Variants in SLC24A2 observed in about 807,000 individuals in gnomAD.
SLC24A2 encodes sodium/potassium/calcium exchanger 2.
Under a neutral mutation model 62.0 loss-of-function variants are expected in SLC24A2, and 36 were observed. The observed-to-expected ratio is 0.58, with a 90% CI of 0.44 to 0.77. SLC24A2 has a LOEUF of 0.77. Ranked by LOEUF, SLC24A2 falls within the 30% of genes least tolerant of loss-of-function variation. SLC24A2 has a pLI of 0.00. For missense variants in SLC24A2, 846 were observed against 817.9 expected (o/e 1.03, Z -0.42); for synonymous variants, 358 against 294.0 (o/e 1.22, Z -2.23).
the SLC24A2 span, among the ~76,000 whole-genome samples, chr9:20,060,590 C>A: frequency 1.3e-5 from 2 of 151,984 alleles, no homozygotes; most frequent in South Asian, 4.2e-4. Context: ...TCAACAAAAC[C>A]CAACACTGAT....
chr9:19,617,506 A>G (rs573315620), intron 4 of SLC24A2, among the ~76,000 whole-genome samples: 1 of 152,362 alleles, frequency 6.6e-6, no homozygotes, highest in South Asian at 2.1e-4. Flanking sequence ...TAAAACATGA[A>G]CAGAAACATT....
intron 2 of SLC24A2, among the ~76,000 whole-genome samples, chr9:19,711,029 A>C (rs539492884): frequency 2.0e-5 from 3 of 152,332 alleles, no homozygotes; most frequent in South Asian, 4.1e-4. Context: ...GGAAAGATTA[A>C]CCCAGTAGTA....
At chr9:19,555,751 C>G (rs1835058291) in intron 7 of SLC24A2, among the ~76,000 whole-genome samples, 1 of 152,126 alleles carries the variant, frequency 6.6e-6, no homozygotes, top group Non-Finnish European at 1.5e-5. Context: ...TTGAGACCAG[C>G]TTGGCCAACA....
chr9:19,723,063 T>C (rs904127638), intron 2 of SLC24A2, among the ~76,000 whole-genome samples: 14 of 152,112 alleles, frequency 9.2e-5, no homozygotes, highest in African/African-American at 3.4e-4. Context: ...ATATTGGGGC[T>C]TGGGGGTGGT....
chr9:20,011,004 T>A, the SLC24A2 span, among the ~76,000 whole-genome samples: 1 of 152,152 alleles, frequency 6.6e-6, no homozygotes, highest in African/African-American at 2.4e-5. Flanking sequence ...TAATCCAGTC[T>A]ATCATTGTTG....
At chr9:19,714,758 C>T (rs1820811364) in intron 2 of SLC24A2, among the ~76,000 whole-genome samples, 1 of 152,112 alleles carries the variant, frequency 6.6e-6, no homozygotes, top group Non-Finnish European at 1.5e-5. Flanking sequence ...CATTTTTCCC[C>T]TCTGTGGCAA....
the SLC24A2 span, among the ~76,000 whole-genome samples, chr9:19,930,909 A>T: frequency 7.9e-5 from 12 of 152,290 alleles, no homozygotes; most frequent in Non-Finnish European, 1.3e-4. Flanking sequence ...AATGGGGGAA[A>T]CTATTAATTT....
the SLC24A2 span, among the ~76,000 whole-genome samples, chr9:19,992,760 G>C: frequency 8.1e-4 from 124 of 152,270 alleles, 3 homozygotes; most frequent in East Asian, 0.021. Context: ...TATGCTCCCA[G>C]CTGCACAAGT....
At chr9:20,249,645 C>T in the SLC24A2 span, among the ~76,000 whole-genome samples, 3 of 136,284 alleles carry the variant, frequency 2.2e-5, no homozygotes, top group East Asian at 2.2e-4. Flanking sequence ...GCAGAGGCTA[C>T]AGTGAGCTAC....
chr9:19,907,582 C>T, the SLC24A2 span, among the ~76,000 whole-genome samples: 15 of 152,138 alleles, frequency 9.9e-5, no homozygotes, highest in African/African-American at 2.2e-4. Context: ...AAAACCCCAT[C>T]GTCTCAGCCC....
At chr9:20,026,460 A>G in the SLC24A2 span, among the ~76,000 whole-genome samples, 1 of 152,164 alleles carries the variant, frequency 6.6e-6, no homozygotes, top group Non-Finnish European at 1.5e-5. Flanking sequence ...CCCTAGGACC[A>G]TTTGCAGATT....
the SLC24A2 span, among the ~76,000 whole-genome samples, chr9:20,217,801 T>G: frequency 2.0e-5 from 3 of 152,236 alleles, no homozygotes; most frequent in Non-Finnish European, 4.4e-5. Flanking sequence ...TACTTCAATT[T>G]GAGTCACATC....
At chr9:19,607,265 A>G (rs1472989660) in intron 4 of SLC24A2, among the ~76,000 whole-genome samples, 2 of 152,204 alleles carry the variant, frequency 1.3e-5, no homozygotes, top group Non-Finnish European at 2.9e-5. Flanking sequence ...CATCTGTGAC[A>G]GCTGCTTTTT....
intron 2 of SLC24A2, among the ~76,000 whole-genome samples, chr9:19,782,929 G>A (rs1823057199): frequency 6.6e-6 from 1 of 152,094 alleles, no homozygotes. Context: ...TAAAGCCCCA[G>A]GGTCTCTTCA....
At chr9:20,058,890 T>C in the SLC24A2 span, among the ~76,000 whole-genome samples, 1 of 152,224 alleles carries the variant, frequency 6.6e-6, no homozygotes, top group African/African-American at 2.4e-5. Context: ...TCATTCAGTT[T>C]TGGAATGCTT....
At chr9:20,008,903 A>G in the SLC24A2 span, among the ~76,000 whole-genome samples, 1 of 152,146 alleles carries the variant, frequency 6.6e-6, no homozygotes, top group Non-Finnish European at 1.5e-5. Context: ...ACTCTCCCCC[A>G]CAGAAATCCA....
At chr9:20,222,399 A>T in the SLC24A2 span, among the ~76,000 whole-genome samples, 1 of 152,076 alleles carries the variant, frequency 6.6e-6, no homozygotes, top group Non-Finnish European at 1.5e-5. Context: ...TAAAAAGCAA[A>T]GTTTAGTATT....
chr9:20,205,111 C>T, the SLC24A2 span, among the ~76,000 whole-genome samples: 2 of 152,068 alleles, frequency 1.3e-5, no homozygotes, highest in African/African-American at 4.8e-5. Flanking sequence ...GATGAAAAGT[C>T]AGTAAAAGAA....
At chr9:19,996,397 A>G in the SLC24A2 span, among the ~76,000 whole-genome samples, 1 of 152,150 alleles carries the variant, frequency 6.6e-6, no homozygotes, top group Admixed American at 6.6e-5. Flanking sequence ...TAACATATTT[A>G]TATTTGTTAA....
Sources: gnomAD v4.1 joint callset for allele counts (sites outside exome capture counted in the v4.1 genomes callset) on GRCh38, gnomAD v4.1.1 for gene constraint, MANE v1.5 for transcripts, NCBI Gene and HGNC (gene_info 2026-07-23, HGNC 2026-07-21) for gene names.